SAAL1: variants seen among roughly 807,000 people sequenced by gnomAD.
SAAL1 encodes serum amyloid A like 1.
A neutral mutation model predicts 59.8 loss-of-function variants in SAAL1; 42 were observed. The ratio of observed to expected loss-of-function variants is 0.70; its 90% CI spans 0.55 to 0.91. The LOEUF (loss-of-function observed/expected upper bound fraction) is 0.91, where lower values mean the gene tolerates loss of function less well. Ranked by LOEUF, SAAL1 falls within the 40% of genes least tolerant of loss-of-function variation. SAAL1 has a pLI of 0.00. For missense variants in SAAL1, 542 were observed against 561.1 expected (o/e 0.97, Z 0.34); for synonymous variants, 191 against 194.3 (o/e 0.98, Z 0.14).
chr11:18,096,924 A>G (rs1848583812), intron 2 of SAAL1, 70 bp from the exon 3 acceptor site: 1 of 802,156 alleles, frequency 1.2e-6, no homozygotes, highest in South Asian at 1.5e-5. Flanking sequence ...TCAGGCAACC[A>G]TAAAATTCTA....
intron 3 of SAAL1, 64 bp from the exon 4 acceptor site, chr11:18,092,388 A>G: frequency 1.8e-6 from 2 of 1,092,406 alleles, no homozygotes; most frequent in South Asian, 1.3e-5. Context: ...AAAAATATCA[A>G]CTTGAACAAA....
intron 10 of SAAL1, chr11:18,083,259 T>C: frequency 4.9e-6 from 1 of 205,880 alleles, no homozygotes; most frequent in East Asian, 1.1e-4. Flanking sequence ...GGGAAAACAG[T>C]AGTCTATAAA....
At position 18,087,193 on chromosome 11, in the gene SAAL1, A is replaced by G; in HGVS notation, c.803T>C (p.Met268Thr). ...TGTAGTAAGCAGTTGTAAAATGTGCATGTAAACATCAAGCCATTCTGGATT... is the reference window on the plus strand; with the variant it reads ...TGTAGTAAGCAGTTGTAAAATGTGCGTGTAAACATCAAGCCATTCTGGATT... ...SENPEWLDVY[M>T]HILQLLTTVD... Residue 268 changes from methionine (M) to threonine (T), a missense_variant, in exon 8 of 12, where the codon ATG becomes ACG. Transcript: ENST00000524803. The G allele has an allele frequency of 6.2e-7, 1 of 1,613,486 alleles. No homozygotes were observed.
At chr11:18,102,106 C>T (rs143297529) in intron 2 of SAAL1, among the ~76,000 whole-genome samples, 2 of 152,164 alleles carry the variant, frequency 1.3e-5, no homozygotes, top group African/African-American at 2.4e-5. Context: ...CGTACACATC[C>T]GTCAAAGTTT....
chr11:18,089,928 T>C (rs1018740630), intron 6 of SAAL1, among the ~76,000 whole-genome samples: 1 of 152,066 alleles, frequency 6.6e-6, no homozygotes, highest in African/African-American at 2.4e-5. Context: ...TGCATGACTA[T>C]AGTCCCAGCT....
chr11:18,092,581 T>G (rs1848533581), intron 3 of SAAL1, among the ~76,000 whole-genome samples: 1 of 152,146 alleles, frequency 6.6e-6, no homozygotes, highest in South Asian at 2.1e-4. Context: ...AAATGAGTTT[T>G]AAATGATTGA....
In SAAL1 at chr11:18,098,265, T is replaced by C. The variant is rs74871261; in HGVS notation, c.250-1411A>G. On this transcript the variant is annotated intron_variant, in intron 2 of 11. Coordinates refer to ENST00000524803, the MANE Select transcript of SAAL1 (RefSeq NM_138421.3). ...GAATTTGTGTTTTCAAAATCATCAATAGAATAAAAATTCTGATCACAATGT... is the reference window on the plus strand; with the variant it reads ...GAATTTGTGTTTTCAAAATCATCAACAGAATAAAAATTCTGATCACAATGT... 1.4e-4 allele frequency among the ~76,000 whole-genome samples: 22 copies of C among 152,310 alleles called. No homozygotes were observed. In the East Asian group the frequency reaches 4.2e-3, roughly 29 times the overall value.
rs200368177 is a variant in SAAL1 at position 18,103,285 on chromosome 11, T to A, written c.197A>T (p.Asp66Val). 21 of 1,614,072 alleles carry A rather than the reference T, an allele frequency of 1.3e-5. No individual in the cohort carries two copies. In the South Asian group the frequency reaches 2.3e-4, roughly 18 times the overall value. The change falls in exon 2 of 12, where the codon GAT becomes GTT. Residue 66 changes from aspartate (D) to valine (V), a missense_variant. Transcript: ENST00000524803. The part of the protein sequence containing the change: ...SDDEEQLTEL[D>V]EEMENEICRV... ...GCAAATTTCATTCTCCATTTCTTCA[T>A]CAAGCTCCGTCAGCTGCTCCTCATC...
intron 2 of SAAL1, among the ~76,000 whole-genome samples, chr11:18,097,696 A>G (rs1450670240): frequency 3.3e-5 from 5 of 152,030 alleles, no homozygotes; most frequent in Admixed American, 3.3e-4. Context: ...AAAATTAGCC[A>G]GGTGTGGTGG....
At chr11:18,084,493 T>C (rs561377463) in intron 9 of SAAL1, among the ~76,000 whole-genome samples, 137 of 152,284 alleles carry the variant, frequency 9.0e-4, no homozygotes, top group African/African-American at 2.8e-3. Flanking sequence ...ACCCCAGCCA[T>C]ATGGGATCTC....
chr11:18,100,436 T>C (rs1848622570), intron 2 of SAAL1, among the ~76,000 whole-genome samples: 1 of 152,174 alleles, frequency 6.6e-6, no homozygotes, highest in African/African-American at 2.4e-5. Flanking sequence ...TATTAGAAAG[T>C]ATTCTGAACT....
intron 7 of SAAL1, among the ~76,000 whole-genome samples, chr11:18,087,596 G>C (rs778968404): frequency 6.6e-6 from 1 of 152,180 alleles, no homozygotes; most frequent in Non-Finnish European, 1.5e-5. Flanking sequence ...GTTAAGGTCC[G>C]CTGCATCACG....
chr11:18,080,327 A>AT lies in SAAL1; in HGVS notation c.*71dup, dbSNP rs1848396789. The AT allele has an allele frequency of 3.1e-6, 3 of 953,368 alleles. No individual in the cohort carries two copies. The Admixed American group carries it at 7.5e-5, about 24-fold the overall frequency. The allele number at this position is 953,368 out of a possible 1,614,324, so 59.1% of individuals were successfully genotyped here. On this transcript the variant is annotated 3_prime_UTR_variant, in exon 12 of 12. Coordinates refer to ENST00000524803, the MANE Select transcript of SAAL1 (RefSeq NM_138421.3). ...ATATGGGCTTTAGTTAATATTTCCA[A>AT]TAAGTCAATTTCAACTGTCAGTGAG...
intron 7 of SAAL1, 95 bp from the exon 8 acceptor site, chr11:18,087,320 G>A (rs904304876): frequency 2.6e-6 from 2 of 781,776 alleles, no homozygotes; most frequent in Non-Finnish European, 4.3e-6. Context: ...TACTCTGCCA[G>A]CCACTGTTCA....
intron 3 of SAAL1, among the ~76,000 whole-genome samples, chr11:18,096,152 C>T (rs1391761456): frequency 6.6e-6 from 1 of 152,146 alleles, no homozygotes. Flanking sequence ...CTGATACATA[C>T]TAGCAGCATA....
Position 18,103,351 on chromosome 11 carries a change from A to G in SAAL1, c.136-5T>C. 6.3e-7 allele frequency: 1 copy of G among 1,593,812 alleles called. No homozygotes were observed. Among genetic ancestry groups the G allele is most frequent in the Non-Finnish European group, 8.6e-7 (1 of 1,162,216 alleles). ...GGTGTTTTCAGGGCTAACAATCTTC[A>G]GAAACACAAAGAAAGAAAACATGAA... On this transcript the variant is annotated splice_polypyrimidine_tract_variant and splice_region_variant and intron_variant, in intron 1 of 11. Transcript: ENST00000524803.
chr11:18,081,946 C>G (rs1468809634), intron 10 of SAAL1, among the ~76,000 whole-genome samples: 1 of 152,232 alleles, frequency 6.6e-6, no homozygotes, highest in Non-Finnish European at 1.5e-5. Flanking sequence ...TCAACTCTCT[C>G]TACTCCTTCC....
chr11:18,086,974 G>T lies in SAAL1; in HGVS notation c.934C>A (p.Pro312Thr). The change falls in exon 9 of 12, where the codon CCA (proline) becomes ACA (threonine). Residue 312 changes from proline to threonine, a missense_variant. By Grantham distance (38) the Pro-to-Thr change is conservative. Coordinates refer to ENST00000524803, the MANE Select transcript of SAAL1 (RefSeq NM_138421.3). Reference protein sequence around the residue: ...VCHEFCQSDDPPIILQEQKTV... With the variant: ...VCHEFCQSDDTPIILQEQKTV... Reference sequence around the variant, plus strand: ...TTCTGTTCTTGAAGAATGATGGGTGGATCATCAGACTGGCAGAATTCATGG... The same window carrying T: ...TTCTGTTCTTGAAGAATGATGGGTGTATCATCAGACTGGCAGAATTCATGG... The T allele has an allele frequency of 6.2e-7, 1 of 1,613,538 alleles. No individual in the cohort carries two copies. Among genetic ancestry groups the T allele is most frequent in the South Asian group, 1.1e-5 (1 of 91,064 alleles).
chr11:18,090,480 G>A lies in SAAL1; in HGVS notation c.427C>T (p.His143Tyr). The A allele has an allele frequency of 6.2e-7, 1 of 1,607,000 alleles. No individual in the cohort carries two copies. The highest frequency in any genetic ancestry group is 8.5e-7 in the Non-Finnish European group (1 of 1,178,016). The change falls in exon 5 of 12, where the codon CAC becomes TAC. Residue 143 changes from histidine (H) to tyrosine (Y), a missense_variant. His to Tyr is a moderately conservative substitution (Grantham distance 83). Transcript: ENST00000524803. Reference sequence around the variant, plus strand: ...GGTGGGTCTGAATCATACAAACAGTGCAATAACACCTGCCTACAAAAACAA... The same window carrying A: ...GGTGGGTCTGAATCATACAAACAGTACAATAACACCTGCCTACAAAAACAA... ...SDKNLGQVLL[H>Y]CLYDSDPPTL...
Sources: allele counts gnomAD v4.1 joint callset (sites outside exome capture counted in the v4.1 genomes callset), GRCh38; gene constraint gnomAD v4.1.1; transcripts MANE v1.5; gene names NCBI Gene and HGNC (gene_info 2026-07-23, HGNC 2026-07-21).